Variants in MZT2A observed in about 807,000 individuals in gnomAD.
MZT2A encodes the protein mitotic spindle organizing protein 2A.
A neutral mutation model predicts 12.4 loss-of-function variants in MZT2A; 8 were observed. The observed-to-expected ratio is 0.64, with a 90% confidence interval of 0.38 to 1.16. The LOEUF is 1.16. Ranked by LOEUF, MZT2A falls within the 50% of genes most tolerant of loss-of-function variation. The probability of loss-of-function intolerance (pLI) is 0.01; values close to 1 mark genes in which losing one functional copy is unlikely to be tolerated. For missense variants in MZT2A, 181 were observed against 223.6 expected (o/e 0.81, Z 1.22); for synonymous variants, 88 against 107.5 (o/e 0.82, Z 1.12).
rs1049888081 is a variant in MZT2A at position 131,476,055 on chromosome 2, G to A, written c.279-3873C>T. 2.7e-6 allele frequency: 4 copies of A among 1,497,262 alleles called. No individual in the cohort carries two copies. In the African/African-American group the frequency reaches 5.6e-5, roughly 21 times the overall value. 92.7% of individuals were successfully genotyped at this position (1,497,262 alleles called of 1,614,324 possible). A position where few individuals can be genotyped will look rare whatever the true frequency, so the allele number is the denominator to read the frequency against. On this transcript the variant is annotated intron_variant and NMD_transcript_variant, in intron 2 of 4. Transcript: ENST00000427024. ...GATCCGGCCCTCAGCCCGCCTCCCA[G>A]GAACTCCGAGCCAATGGCGGCCTGG...
exon 3 of MZT2A, chr2:131,472,161 G>A: frequency 7.8e-7 from 1 of 1,289,160 alleles, no homozygotes; most frequent in South Asian, 1.2e-5. Flanking sequence ...GCGCCGCCTT[G>A]TCCTCAAGTT....
At chr2:131,470,455 G>A in intron 3 of MZT2A, 1 of 517,948 alleles carries the variant, frequency 1.9e-6, no homozygotes, top group Non-Finnish European at 3.0e-6. Flanking sequence ...GCTGGTTACA[G>A]ATTAAAGCCA....
At chr2:131,492,633 G>C, upstream of MZT2A, 1 of 1,226,430 alleles carries the variant, frequency 8.2e-7, no homozygotes, top group Non-Finnish European at 1.0e-6. Flanking sequence ...CGGTCAGGGC[G>C]TCCCTGATAG....
downstream of MZT2A, chr2:131,483,930 A>G (rs111723113): frequency 9.4e-6 from 1 of 106,638 alleles, no homozygotes; most frequent in Non-Finnish European, 1.3e-5. Context: ...GCCTTAATAT[A>G]AAAAAAAAAA....
At position 131,484,171 on chromosome 2, in the gene MZT2A, C is replaced by G. The variant is rs369152769; in HGVS notation, c.367G>C (p.Glu123Gln). ...AALGGVLALA[E>Q]RSNHEGSSQR... Reference sequence around the variant, plus strand: ...CTGGATCCCTCGTGGTTGCTGCGTTCCGCCAGGGCCAATACTCCCCCGAGG... The same window carrying G: ...CTGGATCCCTCGTGGTTGCTGCGTTGCGCCAGGGCCAATACTCCCCCGAGG... Residue 123 changes from glutamate (E) to glutamine (Q), a missense_variant, in exon 3 of 3, where the codon GAA becomes CAA. By Grantham distance (29) the Glu-to-Gln change is conservative. This residue lies in a region of MZT2A where 72 missense variants were observed against 76.9 expected (regional missense o/e 0.94). Transcript: ENST00000309451. 3.7e-5 allele frequency: 59 copies of G among 1,614,006 alleles called. No individual in the cohort carries two copies. The highest frequency in any genetic ancestry group is 4.9e-5 in the Non-Finnish European group (58 of 1,180,000).
chr2:131,473,240 C>A (rs557589546), intron 2 of MZT2A, among the ~76,000 whole-genome samples: 5 of 152,166 alleles, frequency 3.3e-5, no homozygotes, highest in African/African-American at 1.2e-4. Context: ...GAAGGATTCA[C>A]CCTCCTGGGG....
At chr2:131,473,217 T>TG (rs1678515435) in intron 2 of MZT2A, among the ~76,000 whole-genome samples, 1 of 151,960 alleles carries the variant, frequency 6.6e-6, no homozygotes, top group South Asian at 2.1e-4. Flanking sequence ...TTAGGGTGCC[T>TG]GGGGCTAATA....
downstream of MZT2A, chr2:131,482,923 G>A: frequency 1.3e-6 from 2 of 1,558,978 alleles, no homozygotes; most frequent in Non-Finnish European, 1.7e-6. Flanking sequence ...TAAAGGTTCT[G>A]TATAAAACCA....
intron 2 of MZT2A, chr2:131,478,208 C>G (rs767332287): frequency 4.3e-6 from 7 of 1,614,070 alleles, no homozygotes; most frequent in South Asian, 2.2e-5. Flanking sequence ...GTGTCCAGAT[C>G]GGCAATGCCT....
intron 2 of MZT2A, among the ~76,000 whole-genome samples, chr2:131,475,319 C>CTTTTTT (rs551443616): frequency 3.2e-5 from 3 of 94,516 alleles, no homozygotes; most frequent in Admixed American, 1.6e-4. Flanking sequence ...TCCTTTCTTC[C>CTTTTTT]TTTTTTTTTT....
chr2:131,483,053 A>C, downstream of MZT2A: 1 of 816,236 alleles, frequency 1.2e-6, no homozygotes. Flanking sequence ...TGGGTGCAGC[A>C]GGACTGTACA....
downstream of MZT2A, chr2:131,482,933 A>G (rs530916669): frequency 2.6e-6 from 4 of 1,550,952 alleles, no homozygotes; most frequent in African/African-American, 5.4e-5. Context: ...GTATAAAACC[A>G]AGCCCTCTGT....
intron 2 of MZT2A, among the ~76,000 whole-genome samples, chr2:131,473,138 G>A (rs1678513744): frequency 6.6e-6 from 1 of 151,932 alleles, no homozygotes; most frequent in Non-Finnish European, 1.5e-5. Context: ...AGGCCTCTGG[G>A]GCTTTTAGCC....
intron 2 of MZT2A, chr2:131,476,100 T>C: frequency 1.9e-6 from 3 of 1,571,806 alleles, no homozygotes; most frequent in Admixed American, 1.8e-5. Context: ...GCCAATCCCG[T>C]GCGGCGCGCA....
intron 2 of MZT2A, among the ~76,000 whole-genome samples, chr2:131,473,290 T>C (rs10205551): frequency 0.99 from 150,965 of 152,108 alleles, 74,928 homozygotes; most frequent in Middle Eastern, 1. Context: ...CCCGGCTGTC[T>C]GCAGAACTCC....
chr2:131,480,140 C>T (rs748811977), downstream of MZT2A: 27 of 1,613,536 alleles, frequency 1.7e-5, no homozygotes, highest in Admixed American at 1.3e-4. Context: ...GCTCTGGGTT[C>T]GCATCTCTGC....
chr2:131,492,607 G>C, upstream of MZT2A: 35 of 1,206,452 alleles, frequency 2.9e-5, no homozygotes, highest in Non-Finnish European at 3.5e-5. Flanking sequence ...GCGGACTGCA[G>C]GGGCCAGCTG....
intron 2 of MZT2A, among the ~76,000 whole-genome samples, chr2:131,487,418 C>T (rs1175117618): frequency 2.0e-5 from 3 of 152,116 alleles, no homozygotes; most frequent in Non-Finnish European, 4.4e-5. Flanking sequence ...GTTGAGGCTG[C>T]AGTGAGCTAT....
chr2:131,490,884 A>C, intron 2 of MZT2A: 2 of 1,550,002 alleles, frequency 1.3e-6, no homozygotes, highest in Non-Finnish European at 1.7e-6. Context: ...GCAGAGAGAA[A>C]GGAGGCCTCT....
Sources: gnomAD v4.1 joint callset for allele counts (sites outside exome capture counted in the v4.1 genomes callset) on GRCh38, gnomAD v4.1.1 for gene constraint, gnomAD v4.1.1 regional missense constraint, MANE v1.5 for transcripts, NCBI Gene and HGNC (gene_info 2026-07-23, HGNC 2026-07-21) for gene names.